Variants in PATJ observed in about 807,000 individuals in gnomAD.
PATJ encodes the protein inaD-like protein.
Under a neutral mutation model 224.9 loss-of-function variants are expected in PATJ, and 190 were observed. The ratio of observed to expected loss-of-function variants is 0.84; its 90% confidence interval spans 0.75 to 0.95. The LOEUF (loss-of-function observed/expected upper bound fraction) is 0.95, where lower values mean the gene tolerates loss of function less well. Among genes scored for constraint, PATJ ranks in the 40% least tolerant of loss-of-function variants. The probability of loss-of-function intolerance (pLI) is 0.00; values close to 1 mark genes in which losing one functional copy is unlikely to be tolerated. For missense variants in PATJ, 2,121 were observed against 2,270.3 expected (o/e 0.93, Z 1.34); for synonymous variants, 769 against 820.3 (o/e 0.94, Z 1.07).
Position 61,914,680 on chromosome 1 carries a change from C to G in PATJ, c.3570+16C>G, listed in dbSNP as rs1255759823. ...GAAAGAAAAGGTAACTTGAACCTCT[C>G]AAGGATTTAAAAAATGTTTTTGTTT... On this transcript the variant is annotated intron_variant, in intron 26 of 43. Transcript: ENST00000642238. 8.2e-6 allele frequency: 12 copies of G among 1,458,742 alleles called. No individual in the cohort carries two copies. The highest frequency in any genetic ancestry group is 2.3e-5 in the East Asian group (1 of 43,948). 90.4% of individuals were successfully genotyped at this position (1,458,742 alleles called of 1,614,324 possible).
At chr1:62,154,213 C>T (rs915984530) in intron 43 of PATJ, among the ~76,000 whole-genome samples, 1 of 151,982 alleles carries the variant, frequency 6.6e-6, no homozygotes, top group Non-Finnish European at 1.5e-5. Flanking sequence ...TTATTTTTAA[C>T]TTCACTGATT....
At chr1:61,785,616 G>A (rs1648341104) in intron 7 of PATJ, among the ~76,000 whole-genome samples, 1 of 152,162 alleles carries the variant, frequency 6.6e-6, no homozygotes, top group Admixed American at 6.5e-5. Context: ...AATGAAGCCA[G>A]CTGTGTTAAC....
At chr1:61,835,213 CAGTT>C (rs1370057105) in intron 17 of PATJ, among the ~76,000 whole-genome samples, 1 of 152,196 alleles carries the variant, frequency 6.6e-6, no homozygotes, top group Non-Finnish European at 1.5e-5. Flanking sequence ...AATCTGAACA[CAGTT>C]AAGCATTTGC....
Position 61,995,985 on chromosome 1 carries a change from G to A in PATJ, c.3867+5621G>A, listed in dbSNP as rs987449277. The stretch of plus-strand genomic sequence containing the variant: ...AGGAACAAAGTGGGTGGCACAAGAG[G>A]TGCACAATTGATTGGGCTAGTGTAT... On this transcript the variant is annotated intron_variant, in intron 28 of 43. Transcript: ENST00000642238. Among the ~76,000 whole-genome samples, 3 of 152,166 alleles carry A rather than the reference G, an allele frequency of 2.0e-5. No individual in the cohort carries two copies. The East Asian group carries it at 5.8e-4, about 29-fold the overall frequency.
At chr1:61,804,440 A>T (rs1653129234) in intron 12 of PATJ, among the ~76,000 whole-genome samples, 1 of 152,132 alleles carries the variant, frequency 6.6e-6, no homozygotes, top group South Asian at 2.1e-4. Context: ...ATGTGATTAA[A>T]CATTATATGC....
chr1:62,005,420 T>TG (rs1041958698), intron 28 of PATJ, among the ~76,000 whole-genome samples: 13 of 151,500 alleles, frequency 8.6e-5, no homozygotes, highest in Admixed American at 2.6e-4. Context: ...TGATGTGGTT[T>TG]TTTTTTTTTT....
At chr1:61,911,928 T>C (rs921110813) in intron 25 of PATJ, among the ~76,000 whole-genome samples, 19 of 149,646 alleles carry the variant, frequency 1.3e-4, no homozygotes, top group Middle Eastern at 3.6e-3. Context: ...AATGTATCAT[T>C]ACTGCTGTTT....
intron 41 of PATJ, among the ~76,000 whole-genome samples, chr1:62,143,438 ATTTTTTTTTTTT>A (rs34127211): frequency 2.7e-5 from 2 of 74,310 alleles, no homozygotes; most frequent in Non-Finnish European, 4.7e-5. Context: ...TAAGCTGGGA[ATTTTTTTTTTTT>A]TTTTTTTTTT....
chr1:62,027,628 C>CTTTTT (rs57019359), intron 29 of PATJ, among the ~76,000 whole-genome samples: 61 of 109,764 alleles, frequency 5.6e-4, no homozygotes, highest in East Asian at 1.1e-3. Context: ...GCCAACATTC[C>CTTTTT]TTTTTTTTTT....
intron 27 of PATJ, among the ~76,000 whole-genome samples, chr1:61,930,482 C>T (rs1557892862): frequency 1.3e-5 from 2 of 152,162 alleles, no homozygotes; most frequent in African/African-American, 4.8e-5. Flanking sequence ...TTCCCAAGGA[C>T]CATGATTCTG....
In PATJ at chr1:62,152,744, G is replaced by A. The variant is rs186688313; in HGVS notation, c.5379-614G>A. On this transcript the variant is annotated intron_variant, in intron 42 of 43. Coordinates refer to ENST00000642238, the MANE Select transcript of PATJ (RefSeq NM_001350145.3). ...ATGGACAAGAGTTTATGTGAAGACTGGCAGTCTCCCACCACACTAGGAGAC... is the reference window on the plus strand; with the variant it reads ...ATGGACAAGAGTTTATGTGAAGACTAGCAGTCTCCCACCACACTAGGAGAC... Among the ~76,000 whole-genome samples the A allele has an allele frequency of 2.1e-3, 323 of 152,258 alleles. 4 individuals are homozygous for A. Among genetic ancestry groups the A allele is most frequent in the Non-Finnish European group, 9.4e-4 (64 of 68,016 alleles).
chr1:62,004,145 A>G (rs1451534687), intron 28 of PATJ, among the ~76,000 whole-genome samples: 1 of 152,212 alleles, frequency 6.6e-6, no homozygotes, highest in Non-Finnish European at 1.5e-5. Flanking sequence ...TGGCAATGCA[A>G]TTATTTGTTT....
At chr1:62,147,427 AGACG>A (rs1318395001) in intron 41 of PATJ, among the ~76,000 whole-genome samples, 2 of 152,196 alleles carry the variant, frequency 1.3e-5, no homozygotes, top group Non-Finnish European at 2.9e-5. Context: ...TGGGATATCG[AGACG>A]GGCGGATCAC....
At chr1:62,106,115 C>CACACAT (rs140461579) in intron 33 of PATJ, among the ~76,000 whole-genome samples, 7,539 of 46,324 alleles carry the variant, frequency 0.16, 1,326 homozygotes, top group Non-Finnish European at 0.17. Flanking sequence ...CACACACACA[C>CACACAT]ACACAAACAC....
chr1:62,113,962 T>C (rs41289426), intron 34 of PATJ, 91 bp from the exon 35 acceptor site: 10 of 1,276,870 alleles, frequency 7.8e-6, no homozygotes, highest in Non-Finnish European at 1.1e-5. Context: ...TTCTAGAGAT[T>C]CTTTACTGGT....
chr1:62,137,950 CT>C (rs1667123257), intron 41 of PATJ, among the ~76,000 whole-genome samples: 1 of 152,054 alleles, frequency 6.6e-6, no homozygotes, highest in Non-Finnish European at 1.5e-5. Context: ...GGTTCACAGT[CT>C]CCTCTTCCTC....
intron 22 of PATJ, among the ~76,000 whole-genome samples, chr1:61,888,699 G>A (rs1363321258): frequency 6.6e-6 from 1 of 152,204 alleles, no homozygotes; most frequent in Non-Finnish European, 1.5e-5. Context: ...AAAGATCTAA[G>A]CAAACTTCTA....
chr1:62,148,478 G>A (rs1668302379), intron 42 of PATJ, 88 bp downstream of exon 42: 2 of 914,804 alleles, frequency 2.2e-6, no homozygotes, highest in Non-Finnish European at 3.6e-6. Context: ...CTCTAAAGGA[G>A]AAGTGGCCAA....
At chr1:61,943,514 C>A (rs559266896) in intron 27 of PATJ, among the ~76,000 whole-genome samples, 16 of 152,234 alleles carry the variant, frequency 1.1e-4, no homozygotes, top group African/African-American at 3.4e-4. Context: ...GATCGAACTG[C>A]GAGGTGGCAG....
Sources: gnomAD v4.1 joint callset for allele counts (sites outside exome capture counted in the v4.1 genomes callset) on GRCh38, gnomAD v4.1.1 for gene constraint, MANE v1.5 for transcripts, NCBI Gene and HGNC (gene_info 2026-07-23, HGNC 2026-07-21) for gene names.